Variants in PRKAR2B observed in about 807,000 individuals in gnomAD.
The protein encoded by PRKAR2B is cAMP-dependent protein kinase type II-beta regulatory subunit.
In PRKAR2B, 14 loss-of-function variants were observed where a neutral mutation model predicts 49.9. The observed-to-expected ratio is 0.28, with a 90% CI of 0.19 to 0.44. PRKAR2B has a LOEUF of 0.44. Ranked by LOEUF, PRKAR2B falls within the 20% of genes least tolerant of loss-of-function variation. PRKAR2B has a pLI of 1.00. For synonymous variants in PRKAR2B, 196 were observed against 197.7 expected, an observed-to-expected ratio of 0.99 and a Z score of 0.07; for missense variants, 393 against 537.9, an observed-to-expected ratio of 0.73 and a Z score of 2.67.
intron 2 of PRKAR2B, among the ~76,000 whole-genome samples, chr7:107,092,838 C>T (rs1794756221): frequency 6.6e-6 from 1 of 152,154 alleles, no homozygotes; most frequent in Non-Finnish European, 1.5e-5. Context: ...GTTTAATCTT[C>T]ACAAACTGAA....
chr7:107,147,621 G>A (rs912051124), intron 6 of PRKAR2B, among the ~76,000 whole-genome samples: 1 of 152,206 alleles, frequency 6.6e-6, no homozygotes, highest in African/African-American at 2.4e-5. Context: ...GGTGAGGCCC[G>A]TGATTTTTGC....
chr7:107,157,395 G>A, intron 10 of PRKAR2B, 71 bp downstream of exon 10: 6 of 1,497,060 alleles, frequency 4.0e-6, no homozygotes, highest in East Asian at 2.4e-5. Context: ...TTCATGTTGA[G>A]TGAATCATTT....
chr7:107,121,022 ATAAT>A (rs1342705433), intron 2 of PRKAR2B, among the ~76,000 whole-genome samples: 1 of 150,790 alleles, frequency 6.6e-6, no homozygotes, highest in Non-Finnish European at 1.5e-5. Flanking sequence ...AAACTATTTA[ATAAT>A]TTTTTAAAAA....
At position 107,105,119 on chromosome 7, in the gene PRKAR2B, G is replaced by A. The variant is rs1197141098; in HGVS notation, c.344-16833G>A. Reference sequence around the variant, plus strand: ...GTCTCAAAAATTATTGTTTTTTTCCGTGGTAACCAACATTGAGTTTTAAAC... The same window carrying A: ...GTCTCAAAAATTATTGTTTTTTTCCATGGTAACCAACATTGAGTTTTAAAC... On this transcript the variant is annotated intron_variant, in intron 2 of 10. Transcript: ENST00000265717. 3.3e-5 allele frequency among the ~76,000 whole-genome samples: 5 copies of A among 151,994 alleles called. No homozygotes were observed. The South Asian group carries it at 6.2e-4, about 19-fold the overall frequency.
At chr7:107,103,024 A>G (rs1273863216) in intron 2 of PRKAR2B, among the ~76,000 whole-genome samples, 3 of 152,226 alleles carry the variant, frequency 2.0e-5, no homozygotes, top group African/African-American at 2.4e-5. Context: ...AAACATTCAT[A>G]TCTCCAAAAA....
At chr7:107,047,428 ACTT>A (rs756903124) in intron 1 of PRKAR2B, among the ~76,000 whole-genome samples, 3 of 150,808 alleles carry the variant, frequency 2.0e-5, no homozygotes, top group South Asian at 2.1e-4. Flanking sequence ...GGTCTTGATC[ACTT>A]CTTCTTCAGT....
At chr7:107,080,097 G>A (rs1396402100) in intron 2 of PRKAR2B, among the ~76,000 whole-genome samples, 7 of 152,114 alleles carry the variant, frequency 4.6e-5, no homozygotes, top group Non-Finnish European at 5.9e-5. Flanking sequence ...GTGGCACATT[G>A]GAGTGAAATG....
At chr7:107,103,086 G>A (rs1795007467) in intron 2 of PRKAR2B, among the ~76,000 whole-genome samples, 1 of 152,076 alleles carries the variant, frequency 6.6e-6, no homozygotes, top group Non-Finnish European at 1.5e-5. Flanking sequence ...CATAAGAAGG[G>A]ATTAAAACAA....
intron 1 of PRKAR2B, among the ~76,000 whole-genome samples, chr7:107,063,783 A>G (rs1052688161): frequency 4.6e-5 from 7 of 152,152 alleles, no homozygotes; most frequent in Middle Eastern, 3.4e-3. Flanking sequence ...GCCTTTTCCC[A>G]TTTGTTTCTC....
intron 3 of PRKAR2B, among the ~76,000 whole-genome samples, chr7:107,123,647 T>G (rs1795428595): frequency 6.6e-6 from 1 of 152,158 alleles, no homozygotes; most frequent in South Asian, 2.1e-4. Context: ...CCAAAGAGTT[T>G]CTGATGGACC....
intron 3 of PRKAR2B, among the ~76,000 whole-genome samples, chr7:107,126,630 C>T (rs1040578037): frequency 9.9e-5 from 15 of 152,042 alleles, no homozygotes; most frequent in Admixed American, 8.5e-4. Flanking sequence ...AGAACAGCTT[C>T]TCAGCAGGCA....
At chr7:107,136,572 T>C (rs906017421) in intron 4 of PRKAR2B, among the ~76,000 whole-genome samples, 1 of 152,176 alleles carries the variant, frequency 6.6e-6, no homozygotes, top group Non-Finnish European at 1.5e-5. Flanking sequence ...CCACATCACA[T>C]GTCATCAGGG....
At chr7:107,052,893 C>T (rs1432217381) in intron 1 of PRKAR2B, among the ~76,000 whole-genome samples, 1 of 152,138 alleles carries the variant, frequency 6.6e-6, no homozygotes, top group East Asian at 1.9e-4. Context: ...TGCAGTGGTG[C>T]CATCTTGGCT....
At chr7:107,126,251 C>CAAAAAAAAAAAAAAAAAAAAAA (rs528961832) in intron 3 of PRKAR2B, among the ~76,000 whole-genome samples, 1 of 85,472 alleles carries the variant, frequency 1.2e-5, no homozygotes, top group African/African-American at 4.2e-5. Flanking sequence ...ATACAAAATA[C>CAAAAAAAAAAAAAAAAAAAAAA]AAAAAAAAAA....
intron 3 of PRKAR2B, among the ~76,000 whole-genome samples, chr7:107,123,042 C>G (rs1795417802): frequency 6.6e-6 from 1 of 152,192 alleles, no homozygotes; most frequent in Non-Finnish European, 1.5e-5. Flanking sequence ...AAAAACTAGA[C>G]CTTGCCTACC....
intron 2 of PRKAR2B, among the ~76,000 whole-genome samples, chr7:107,087,662 C>A (rs1226713859): frequency 6.6e-6 from 1 of 152,146 alleles, no homozygotes; most frequent in Admixed American, 6.5e-5. Flanking sequence ...TCTCTGTAAT[C>A]CCAGTACTTT....
chr7:107,117,178 G>T (rs1403217578), intron 2 of PRKAR2B, among the ~76,000 whole-genome samples: 5 of 151,364 alleles, frequency 3.3e-5, no homozygotes, highest in Admixed American at 3.3e-4. Context: ...TGCCCCCTAA[G>T]AACGAGTTTT....
chr7:107,110,431 A>T (rs1322276461), intron 2 of PRKAR2B, among the ~76,000 whole-genome samples: 2 of 152,002 alleles, frequency 1.3e-5, no homozygotes, highest in Non-Finnish European at 2.9e-5. Flanking sequence ...AGACACTGGG[A>T]TGGCTAAGGG....
chr7:107,087,639 A>AAT (rs1199292647), intron 2 of PRKAR2B, among the ~76,000 whole-genome samples: 1 of 152,110 alleles, frequency 6.6e-6, no homozygotes, highest in African/African-American at 2.4e-5. Flanking sequence ...ACTGGATTCA[A>AAT]ATTCAGGCAT....
Sources: gnomAD v4.1 joint callset for allele counts (sites outside exome capture counted in the v4.1 genomes callset) on GRCh38, gnomAD v4.1.1 for gene constraint, MANE v1.5 for transcripts, NCBI Gene and HGNC (gene_info 2026-07-23, HGNC 2026-07-21) for gene names.